The following SPATA22 variants were observed in gnomAD, a reference collection of about 807,000 sequenced individuals.
SPATA22 encodes the protein spermatogenesis associated 22.
In SPATA22, 29 loss-of-function variants were observed where a neutral mutation model predicts 47.8. The observed-to-expected ratio is 0.61, with a 90% confidence interval of 0.45 to 0.83. SPATA22 has a LOEUF of 0.83. SPATA22 is among the 40% of genes least tolerant of loss of function. SPATA22 has a pLI of 0.00. For missense variants in SPATA22, 410 were observed against 421.7 expected (o/e 0.97, Z 0.24); for synonymous variants, 133 against 140.9 (o/e 0.94, Z 0.40).
intron 1 of SPATA22, among the ~76,000 whole-genome samples, chr17:3,470,979 A>AC (rs1219424174): frequency 6.6e-6 from 1 of 151,026 alleles, no homozygotes; most frequent in African/African-American, 2.4e-5. Flanking sequence ...ACAACGTGAA[A>AC]CCCCGTCTCT....
At chr17:3,502,134 A>AAGT (rs1394163388) in intron 1 of SPATA22, 16 of 152,296 alleles carry the variant, frequency 1.1e-4, no homozygotes, top group Non-Finnish European at 1.5e-5. Flanking sequence ...CTGATCAGGC[A>AAGT]GCCATCATCA....
At position 3,443,196 on chromosome 17, in the gene SPATA22, A is replaced by G. The variant is rs751781716; in HGVS notation, c.878T>C (p.Leu293Pro). The G allele has an allele frequency of 1.9e-6, 3 of 1,610,088 alleles. No homozygotes were observed. The highest frequency in any genetic ancestry group is 2.5e-6 in the Non-Finnish European group (3 of 1,177,658). ...TFLMRDGKNT[L>P]PCVFYEIDRE... ...CACGATTTCATAAAAGACACAAGGC[A>G]GAGTATTTTTCCCATCCCTCATAAG... The change falls in exon 8 of 9, where the codon CTG (leucine) becomes CCG (proline). Residue 293 changes from leucine (L) to proline (P), a missense_variant. Leu to Pro is a moderately conservative substitution (Grantham distance 98, BLOSUM62 -3). Transcript: ENST00000572969.
chr17:3,454,928 T>A (rs1286061797), intron 5 of SPATA22, among the ~76,000 whole-genome samples: 1 of 151,644 alleles, frequency 6.6e-6, no homozygotes, highest in Non-Finnish European at 1.5e-5. Context: ...AGTGTAAAAG[T>A]GTTCCTATTT....
chr17:3,464,414 G>A lies in SPATA22; in HGVS notation c.173-1647C>T, dbSNP rs1359258107. 3.4e-5 allele frequency among the ~76,000 whole-genome samples: 5 copies of A among 147,692 alleles called. No homozygotes were observed. In the East Asian group the frequency reaches 9.8e-4, roughly 29 times the overall value. On this transcript the variant is annotated intron_variant, in intron 3 of 8. Coordinates refer to ENST00000572969, the MANE Select transcript of SPATA22 (RefSeq NM_001170698.2). ...GCCCGGCCGCCACCCCGTCTGGGAA[G>A]TGAGGAGCGTCTCTGCCTGGCCGCC...
chr17:3,467,308 T>C (rs776380699), intron 3 of SPATA22, 118 bp downstream of exon 3: 36 of 823,990 alleles, frequency 4.4e-5, no homozygotes, highest in Non-Finnish European at 5.9e-5. Flanking sequence ...AATTTCTATA[T>C]GTGGATAATG....
chr17:3,507,319 T>C (rs1156328716), intron 1 of SPATA22, among the ~76,000 whole-genome samples: 2 of 152,192 alleles, frequency 1.3e-5, no homozygotes, highest in African/African-American at 2.4e-5. Flanking sequence ...ATGAGACATG[T>C]ATGTAAAGTG....
chr17:3,476,214 G>A, upstream of SPATA22: 1 of 1,614,100 alleles, frequency 6.2e-7, no homozygotes, highest in Non-Finnish European at 8.5e-7. Flanking sequence ...TATCTTTGGA[G>A]GAACCCATGG....
intron 3 of SPATA22, among the ~76,000 whole-genome samples, chr17:3,467,036 T>C (rs968247443): frequency 6.6e-6 from 1 of 152,186 alleles, no homozygotes; most frequent in Non-Finnish European, 1.5e-5. Flanking sequence ...ATCTTTTTTT[T>C]CCCATTTTTC....
At position 3,494,300 on chromosome 17, in the gene SPATA22, G is replaced by A. The variant is rs573317342; in HGVS notation, c.-74+19112C>T. 31 of 1,418,132 alleles carry A rather than the reference G, an allele frequency of 2.2e-5. No individual in the cohort carries two copies. The Middle Eastern group carries it at 1.2e-3, about 56-fold the overall frequency. The allele number at this position is 1,418,132 out of a possible 1,614,324, so 87.8% of individuals were successfully genotyped here. On this transcript the variant is annotated intron_variant, in intron 1 of 8. Transcript: ENST00000541913. Reference sequence around the variant, plus strand: ...ATGACAGGCATGAGCCACCACACCCGGCCCAGAGATGTTTTTAGTTGCCAT... The same window carrying A: ...ATGACAGGCATGAGCCACCACACCCAGCCCAGAGATGTTTTTAGTTGCCAT...
At chr17:3,454,753 T>C (rs1210583581) in intron 5 of SPATA22, among the ~76,000 whole-genome samples, 1 of 152,094 alleles carries the variant, frequency 6.6e-6, no homozygotes, top group Non-Finnish European at 1.5e-5. Context: ...AGTGCCGCAA[T>C]AAACATGCGT....
At chr17:3,465,306 T>C (rs1484977455) in intron 3 of SPATA22, among the ~76,000 whole-genome samples, 1 of 151,620 alleles carries the variant, frequency 6.6e-6, no homozygotes, top group Non-Finnish European at 1.5e-5. Context: ...GAACGGGCCA[T>C]GATGACAATG....
intron 1 of SPATA22, among the ~76,000 whole-genome samples, chr17:3,476,922 G>A (rs1243046234): frequency 3.3e-5 from 5 of 152,284 alleles, no homozygotes; most frequent in South Asian, 2.1e-4. Context: ...TTGGGAGGCC[G>A]AGGCAGGCGG....
At chr17:3,512,554 C>T (rs1367189663) in intron 1 of SPATA22, 1 of 152,198 alleles carries the variant, frequency 6.6e-6, no homozygotes, top group Admixed American at 6.5e-5. Context: ...TTTATGGTTA[C>T]TATTTTTATA....
At chr17:3,507,082 T>G (rs1366960156) in intron 1 of SPATA22, among the ~76,000 whole-genome samples, 1 of 151,716 alleles carries the variant, frequency 6.6e-6, no homozygotes, top group Non-Finnish European at 1.5e-5. Flanking sequence ...AATTCACAGG[T>G]TTGGTGGTCA....
rs574497287 is a variant in SPATA22 at position 3,498,347 on chromosome 17, CTT to C, written c.-74+15063_-74+15064del. ...GGTAAACCTGGTATTGAAGCAAACTCTTTTTTATTTTTTTTTAGAGACAGGGT... is the reference window on the plus strand; with the variant it reads ...GGTAAACCTGGTATTGAAGCAAACTCTTTTATTTTTTTTTAGAGACAGGGT... On this transcript the variant is annotated intron_variant, in intron 1 of 8. Coordinates refer to the SPATA22 transcript ENST00000541913. Among the ~76,000 whole-genome samples, 9 of 152,078 alleles carry C rather than the reference CTT, an allele frequency of 5.9e-5. No individual in the cohort carries two copies. The East Asian group carries it at 1.7e-3, about 29-fold the overall frequency.
chr17:3,449,117 T>G lies in SPATA22; in HGVS notation c.362A>C (p.Lys121Thr). 6.2e-7 allele frequency: 1 copy of G among 1,608,718 alleles called. No individual in the cohort carries two copies. Among genetic ancestry groups the G allele is most frequent in the South Asian group, 1.1e-5 (1 of 89,800 alleles). The change falls in exon 6 of 9, where the codon AAA (lysine) becomes ACA (threonine). Residue 121 changes from lysine to threonine, a missense_variant. By Grantham distance (78) the Lys-to-Thr change is moderately conservative. Transcript: ENST00000572969. ...YRDGNKNTSL[K>T]TWNKNDFKPQ... ...CTTAAAATCATTTTTATTCCAAGTT[T>G]TCAAGCTGGTATTTTTGTTACCATC... is the stretch of plus-strand genomic sequence containing the variant.
chr17:3,469,461 T>A (rs2073381185), intron 1 of SPATA22, 63 bp from the exon 2 acceptor site: 1 of 633,228 alleles, frequency 1.6e-6, no homozygotes. Context: ...CTCAGCCCAG[T>A]GATTACTGAA....
chr17:3,442,569 T>C (rs1386796642), intron 8 of SPATA22, among the ~76,000 whole-genome samples: 1 of 151,926 alleles, frequency 6.6e-6, no homozygotes, highest in Non-Finnish European at 1.5e-5. Flanking sequence ...CAGCCCACTA[T>C]GCTTTCCCCC....
Position 3,443,157 on chromosome 17 carries a change from A to T in SPATA22, c.900+17T>A. On this transcript the variant is annotated intron_variant, in intron 8 of 8. Transcript: ENST00000572969. ...TGTTGACATAGGCTTCGCAAAGAGT[A>T]CTTTAAAAATACTCACGATTTCATA... The T allele has an allele frequency of 6.4e-7, 1 of 1,551,136 alleles. No homozygotes were observed. The highest frequency in any genetic ancestry group is 8.9e-7 in the Non-Finnish European group (1 of 1,128,778).
Sources: gnomAD v4.1 joint callset for allele counts (sites outside exome capture counted in the v4.1 genomes callset) on GRCh38, gnomAD v4.1.1 for gene constraint, MANE v1.5 for transcripts, NCBI Gene and HGNC (gene_info 2026-07-23, HGNC 2026-07-21) for gene names.